ANO2: variants seen among roughly 807,000 people sequenced by gnomAD.
ANO2 encodes anoctamin-2.
In ANO2, 101 loss-of-function variants were observed where a neutral mutation model predicts 124.2. That is an observed-to-expected ratio of 0.81 (90% CI 0.69 to 0.96). ANO2 has a LOEUF of 0.96. Among genes scored for constraint, ANO2 ranks in the 40% least tolerant of loss-of-function variants. ANO2 has a pLI of 0.00. For missense variants in ANO2, 1,293 were observed against 1,274.5 expected, an observed-to-expected ratio of 1.01 and a Z score of -0.22; for synonymous variants, 486 against 482.5, an observed-to-expected ratio of 1.01 and a Z score of -0.09.
chr12:5,945,273 C>T (rs1490931033), upstream of ANO2: 2 of 1,260,346 alleles, frequency 1.6e-6, no homozygotes, highest in Non-Finnish European at 1.0e-6. Context: ...CAGGCTTATG[C>T]CGCCGCGGGG....
intron 19 of ANO2, among the ~76,000 whole-genome samples, chr12:5,607,424 C>CT (rs34863392): frequency 0.24 from 35,058 of 146,892 alleles, 4,856 homozygotes; most frequent in Admixed American, 0.34. Flanking sequence ...ACGTAAAAAC[C>CT]TTTTTTTTTT....
intron 14 of ANO2, among the ~76,000 whole-genome samples, chr12:5,669,797 C>A (rs895619009): frequency 6.6e-6 from 1 of 152,216 alleles, no homozygotes; most frequent in Non-Finnish European, 1.5e-5. Context: ...TCACTCTCCA[C>A]TCTATGTCAT....
chr12:5,880,335 G>A (rs2137295591), intron 3 of ANO2, among the ~76,000 whole-genome samples: 1 of 152,284 alleles, frequency 6.6e-6, no homozygotes, highest in Non-Finnish European at 1.5e-5. Context: ...AAGAGCATTT[G>A]AGAGTCATCG....
chr12:5,596,227 A>G lies in ANO2; in HGVS notation c.2233+3257T>C, dbSNP rs11063773. ...ATTAAAATAGGGAGAATTGTTAAAT[A>G]AGCCTTCACTGGAAGATAGGCAAGT... On this transcript the variant is annotated intron_variant, in intron 20 of 24. Transcript: ENST00000682330. 6.9e-3 allele frequency among the ~76,000 whole-genome samples: 1,050 copies of G among 152,328 alleles called. 18 individuals carry two copies. Among genetic ancestry groups the G allele is most frequent in the African/African-American group, 0.023 (975 of 41,568 alleles).
chr12:5,833,201 A>G (rs1452919334), intron 4 of ANO2, among the ~76,000 whole-genome samples: 1 of 152,246 alleles, frequency 6.6e-6, no homozygotes, highest in Non-Finnish European at 1.5e-5. Flanking sequence ...AGTATTAAAC[A>G]TTTAATGAGT....
chr12:5,601,968 T>C (rs1943962059), intron 19 of ANO2, among the ~76,000 whole-genome samples: 1 of 152,178 alleles, frequency 6.6e-6, no homozygotes, highest in South Asian at 2.1e-4. Context: ...AGGCACCAGG[T>C]ATCCCCAAGG....
At chr12:5,873,244 T>TCTCTCTCTCTCTCTCTCTCCCC (rs1253108658) in intron 3 of ANO2, among the ~76,000 whole-genome samples, 1 of 141,724 alleles carries the variant, frequency 7.1e-6, no homozygotes, top group African/African-American at 2.9e-5. Flanking sequence ...TCTCTCTCTC[T>TCTCTCTCTCTCTCTCTCTCCCC]CTGTCTGTCT....
At chr12:5,586,395 TCAGC>T (rs1943112397) in intron 20 of ANO2, among the ~76,000 whole-genome samples, 1 of 152,226 alleles carries the variant, frequency 6.6e-6, no homozygotes, top group Admixed American at 6.5e-5. Flanking sequence ...GTGGAATGAC[TCAGC>T]GTGTGTAAAC....
At chr12:5,876,142 T>C (rs1256464886) in intron 3 of ANO2, among the ~76,000 whole-genome samples, 1 of 152,172 alleles carries the variant, frequency 6.6e-6, no homozygotes, top group Non-Finnish European at 1.5e-5. Context: ...CAAATACCCA[T>C]TGAAATTAAG....
chr12:5,831,832 G>T (rs1190387700), intron 5 of ANO2, among the ~76,000 whole-genome samples: 1 of 152,070 alleles, frequency 6.6e-6, no homozygotes, highest in Non-Finnish European at 1.5e-5. Flanking sequence ...CTCGATGGTT[G>T]TTTATTTTCT....
At chr12:5,701,291 A>G (rs1405062228) in intron 14 of ANO2, among the ~76,000 whole-genome samples, 1 of 152,096 alleles carries the variant, frequency 6.6e-6, no homozygotes, top group East Asian at 1.9e-4. Flanking sequence ...TGTCCAGGAT[A>G]TCACTATTAT....
At chr12:5,761,050 C>G (rs1314853964) in intron 10 of ANO2, among the ~76,000 whole-genome samples, 1 of 118,976 alleles carries the variant, frequency 8.4e-6, no homozygotes, top group African/African-American at 3.2e-5. Context: ...AATTTTGGAC[C>G]CCCACAGCAA....
In ANO2 at chr12:5,930,680, C is replaced by T. The variant is rs528937184; in HGVS notation, c.23-7876G>A. On this transcript the variant is annotated intron_variant, in intron 1 of 24. Transcript: ENST00000682330. ...ACATTTACACCCAGGTCTCATCCTG[C>T]TTCTTGCATGAATTGGACCCAGGAC... 3.1e-3 allele frequency among the ~76,000 whole-genome samples: 475 copies of T among 152,256 alleles called. 4 individuals are homozygous for T. Among genetic ancestry groups the T allele is most frequent in the Non-Finnish European group, 3.9e-3 (264 of 68,014 alleles).
chr12:5,699,935 T>C (rs923233065), intron 14 of ANO2, among the ~76,000 whole-genome samples: 10 of 152,198 alleles, frequency 6.6e-5, no homozygotes, highest in African/African-American at 2.2e-4. Context: ...CTCAGATTCA[T>C]AAAGCAAGTC....
chr12:5,662,379 T>C (rs1189283064), intron 14 of ANO2, among the ~76,000 whole-genome samples: 1 of 151,920 alleles, frequency 6.6e-6, no homozygotes, highest in East Asian at 1.9e-4. Context: ...GGCTTCTTAG[T>C]GTGAAAAAAA....
intron 3 of ANO2, among the ~76,000 whole-genome samples, chr12:5,887,922 T>C (rs1469657118): frequency 6.6e-6 from 1 of 152,114 alleles, no homozygotes; most frequent in African/African-American, 2.4e-5. Flanking sequence ...AATTCAGGTT[T>C]GTCTGCTCAC....
intron 14 of ANO2, among the ~76,000 whole-genome samples, chr12:5,659,276 A>C (rs746385891): frequency 6.6e-6 from 1 of 152,142 alleles, no homozygotes; most frequent in Non-Finnish European, 1.5e-5. Context: ...CAGAGGAGTA[A>C]GGCCAGTATT....
intron 23 of ANO2, 86 bp downstream of exon 23, chr12:5,575,748 A>T: frequency 7.0e-7 from 1 of 1,431,430 alleles, no homozygotes; most frequent in Non-Finnish European, 9.5e-7. Context: ...CATGTTGTGC[A>T]GGGTTGTAAT....
chr12:5,853,301 C>T (rs1591699335), intron 4 of ANO2, among the ~76,000 whole-genome samples: 1 of 150,978 alleles, frequency 6.6e-6, no homozygotes, highest in East Asian at 2.0e-4. Context: ...CGTTCCTGGC[C>T]TCTGGGTAGA....
Sources: gnomAD v4.1 joint callset for allele counts (sites outside exome capture counted in the v4.1 genomes callset) on GRCh38, gnomAD v4.1.1 for gene constraint, MANE v1.5 for transcripts, NCBI Gene and HGNC (gene_info 2026-07-23, HGNC 2026-07-21) for gene names.